Variants in UNC13C observed in about 807,000 individuals in gnomAD.
UNC13C encodes the protein protein unc-13 homolog C.
A neutral mutation model predicts 245.4 loss-of-function variants in UNC13C; 174 were observed. The observed-to-expected ratio is 0.71, with a 90% CI of 0.63 to 0.80. UNC13C has a LOEUF of 0.80. Among genes scored for constraint, UNC13C ranks in the 30% least tolerant of loss-of-function variants. The pLI, the probability that UNC13C is intolerant of heterozygous loss-of-function variation, is 0.00. For missense variants in UNC13C, 2,829 were observed against 2,602.9 expected (o/e 1.09, Z -1.89); for synonymous variants, 992 against 895.1 (o/e 1.11, Z -1.93).
At chr15:54,597,624 A>T in intron 30 of UNC13C, among the ~76,000 whole-genome samples, 1 of 152,010 alleles carries the variant, frequency 6.6e-6, no homozygotes, top group South Asian at 2.1e-4. Context: ...TAAGAATTAA[A>T]TTTTGATCTT....
At chr15:54,605,424 A>C (rs1899715494) in intron 30 of UNC13C, among the ~76,000 whole-genome samples, 1 of 152,158 alleles carries the variant, frequency 6.6e-6, no homozygotes, top group Admixed American at 6.5e-5. Context: ...ATCCTTCCAC[A>C]AGCTTAGAAG....
intron 19 of UNC13C, among the ~76,000 whole-genome samples, chr15:54,448,129 G>T (rs76302841): frequency 2.0e-5 from 3 of 152,210 alleles, no homozygotes; most frequent in East Asian, 3.9e-4. Flanking sequence ...TTACACTATG[G>T]TCTGAGAGAC....
intron 10 of UNC13C, among the ~76,000 whole-genome samples, chr15:54,278,516 T>C (rs1452876609): frequency 1.3e-5 from 2 of 152,146 alleles, no homozygotes; most frequent in African/African-American, 2.4e-5. Flanking sequence ...TCAAATTTAG[T>C]ATATCTTGAT....
the UNC13C span, among the ~76,000 whole-genome samples, chr15:53,896,761 A>T: frequency 6.6e-6 from 1 of 152,196 alleles, no homozygotes; most frequent in East Asian, 1.9e-4. Flanking sequence ...AAATGTGGGG[A>T]CTATCCCATA....
At chr15:54,224,810 G>C (rs1490939494) in intron 4 of UNC13C, among the ~76,000 whole-genome samples, 1 of 152,072 alleles carries the variant, frequency 6.6e-6, no homozygotes, top group Non-Finnish European at 1.5e-5. Flanking sequence ...CTTTATTGCA[G>C]CTTCAATCTC....
chr15:54,619,954 A>G (rs1370032560), intron 30 of UNC13C, among the ~76,000 whole-genome samples: 1 of 152,186 alleles, frequency 6.6e-6, no homozygotes, highest in Non-Finnish European at 1.5e-5. Context: ...TAGCATGACT[A>G]TTAAGCAATA....
Position 54,015,297 on chromosome 15 carries a change from A to G in UNC13C, c.2394A>G (p.Gly798=), listed in dbSNP as rs1389275322. Residue 798 remains glycine, a synonymous_variant, in exon 2 of 33, where the codon GGA becomes GGG. Transcript: ENST00000260323. ...AGACTTTCAGCTTCCCAAAATTTGGATCTACACTGCAGAGGGCTAAATCAG... is the reference window on the plus strand; with the variant it reads ...AGACTTTCAGCTTCCCAAAATTTGGGTCTACACTGCAGAGGGCTAAATCAG... ...SDKTFSFPKF[G]STLQRAKSAL... is the part of the protein sequence containing the mutation. 2 of 1,613,622 alleles carry G rather than the reference A, an allele frequency of 1.2e-6. No individual in the cohort carries two copies. Among genetic ancestry groups the G allele is most frequent in the African/African-American group, 1.3e-5 (1 of 74,914 alleles).
intron 4 of UNC13C, among the ~76,000 whole-genome samples, chr15:54,218,655 G>A (rs921196283): frequency 2.0e-5 from 3 of 151,846 alleles, no homozygotes; most frequent in Non-Finnish European, 4.4e-5. Flanking sequence ...AAGCAATCAG[G>A]GATACTGAAT....
chr15:53,884,887 G>C, the UNC13C span, among the ~76,000 whole-genome samples: 4 of 152,246 alleles, frequency 2.6e-5, no homozygotes, highest in South Asian at 6.2e-4. Flanking sequence ...AAACTGTTGA[G>C]AAAGATTCAT....
chr15:54,098,135 AC>A (rs1188450776), intron 2 of UNC13C, among the ~76,000 whole-genome samples: 1 of 152,134 alleles, frequency 6.6e-6, no homozygotes, highest in Non-Finnish European at 1.5e-5. Context: ...GGGCTAAAGC[AC>A]ATCCTCCACT....
chr15:54,602,514 A>T (rs1326115741), intron 30 of UNC13C, among the ~76,000 whole-genome samples: 2 of 152,330 alleles, frequency 1.3e-5, no homozygotes, highest in East Asian at 3.9e-4. Flanking sequence ...GCTTTTAAAT[A>T]TTCTATTTTC....
In UNC13C at chr15:54,055,355, A is replaced by G. The variant is rs181419925; in HGVS notation, c.2983+39469A>G. ...TTCTTTTCTGTCATTTCTCTAGTAAAGTTACATCAGACTAATAATTCAAGT... is the reference window on the plus strand; with the variant it reads ...TTCTTTTCTGTCATTTCTCTAGTAAGGTTACATCAGACTAATAATTCAAGT... On this transcript the variant is annotated intron_variant, in intron 2 of 32. Transcript: ENST00000260323. Among the ~76,000 whole-genome samples, 79 of 152,310 alleles carry G rather than the reference A, an allele frequency of 5.2e-4. 1 individual carries two copies. In the East Asian group the frequency reaches 0.011, roughly 21 times the overall value.
In UNC13C at chr15:54,269,870, A is replaced by G. The variant is rs114684310; in HGVS notation, c.3818+4374A>G. Reference sequence around the variant, plus strand: ...GTATTTTTTAAACATCATTTCAAAGAAGAAATTCAAATTTAACACTGTACC... The same window carrying G: ...GTATTTTTTAAACATCATTTCAAAGGAGAAATTCAAATTTAACACTGTACC... On this transcript the variant is annotated intron_variant, in intron 10 of 32. Coordinates refer to ENST00000260323, the MANE Select transcript of UNC13C (RefSeq NM_001080534.3). Among the ~76,000 whole-genome samples, 572 of 152,306 alleles carry G rather than the reference A, an allele frequency of 3.8e-3. 6 individuals carry two copies. Among genetic ancestry groups the G allele is most frequent in the African/African-American group, 0.013 (544 of 41,568 alleles).
At chr15:54,408,934 C>T (rs1158144975) in intron 18 of UNC13C, among the ~76,000 whole-genome samples, 2 of 152,034 alleles carry the variant, frequency 1.3e-5, no homozygotes, top group African/African-American at 2.4e-5. Flanking sequence ...CATATTTTTC[C>T]GTGGTATCAT....
chr15:54,455,122 T>C (rs965562701), intron 19 of UNC13C, among the ~76,000 whole-genome samples: 7 of 147,420 alleles, frequency 4.7e-5, no homozygotes, highest in Admixed American at 3.4e-4. Flanking sequence ...TAGGTTGCTG[T>C]GAATGCCATT....
rs75223444 is a variant in UNC13C, at chr15:54,305,004, G to C, written c.4268+4631G>C. Among the ~76,000 whole-genome samples the C allele has an allele frequency of 3.4e-3, 519 of 152,122 alleles. 18 individuals carry two copies. The East Asian group carries it at 0.066, about 19-fold the overall frequency. On this transcript the variant is annotated intron_variant, in intron 13 of 32. Transcript: ENST00000260323. ...AATCTGTAATTATATCCAGGAAAGA[G>C]AATAGAATGGAACAGCATAGAGGTG... is the stretch of plus-strand genomic sequence containing the variant.
At chr15:54,268,579 A>G (rs74013579) in intron 10 of UNC13C, among the ~76,000 whole-genome samples, 3,821 of 152,200 alleles carry the variant, frequency 0.025, 154 homozygotes, top group African/African-American at 0.088. Context: ...AGTTCTGGAC[A>G]TACTTAAGTT....
intron 19 of UNC13C, among the ~76,000 whole-genome samples, chr15:54,473,576 G>A (rs1162269539): frequency 6.6e-6 from 1 of 151,566 alleles, no homozygotes; most frequent in South Asian, 2.1e-4. Context: ...AGCGATTTTA[G>A]CTCCCAAAAT....
At chr15:54,471,294 C>T (rs1386689062) in intron 19 of UNC13C, among the ~76,000 whole-genome samples, 1 of 151,570 alleles carries the variant, frequency 6.6e-6, no homozygotes, top group African/African-American at 2.4e-5. Flanking sequence ...AAGTAGGATA[C>T]TGAAATTCCC....
Sources: allele counts gnomAD v4.1 joint callset (sites outside exome capture counted in the v4.1 genomes callset), GRCh38; gene constraint gnomAD v4.1.1; transcripts MANE v1.5; gene names NCBI Gene and HGNC (gene_info 2026-07-23, HGNC 2026-07-21).